LRBA: variants seen among roughly 807,000 people sequenced by gnomAD.
LRBA encodes the protein LPS responsive beige-like anchor protein.
A neutral mutation model predicts 330.0 loss-of-function variants in LRBA; 176 were observed. The ratio of observed to expected loss-of-function variants is 0.53; its 90% CI spans 0.47 to 0.60. LRBA has a LOEUF of 0.60. LRBA is among the 20% of genes least tolerant of loss of function. The pLI is 0.00. For synonymous variants in LRBA, 1,230 were observed against 1,193.0 expected, an observed-to-expected ratio of 1.03 and a Z score of -0.64; for missense variants, 3,259 against 3,444.8, an observed-to-expected ratio of 0.95 and a Z score of 1.35.
At chr4:150,856,320 A>C (rs985340973) in intron 22 of LRBA, among the ~76,000 whole-genome samples, 2 of 152,164 alleles carry the variant, frequency 1.3e-5, no homozygotes, top group Non-Finnish European at 2.9e-5. Flanking sequence ...CATAGCTGCT[A>C]TTGGGATCTC....
intron 41 of LRBA, among the ~76,000 whole-genome samples, chr4:150,489,761 T>C (rs1758669941): frequency 7.3e-6 from 1 of 137,922 alleles, no homozygotes; most frequent in Non-Finnish European, 1.5e-5. Flanking sequence ...ATATTATACA[T>C]ATATATTCTT....
intron 54 of LRBA, among the ~76,000 whole-genome samples, chr4:150,283,640 A>G (rs1747822042): frequency 6.6e-6 from 1 of 152,220 alleles, no homozygotes; most frequent in Non-Finnish European, 1.5e-5. Flanking sequence ...AATTTTTTAA[A>G]TATCCACAGG....
At chr4:150,840,838 A>G (rs1748963511) in intron 28 of LRBA, 1 of 829,268 alleles carries the variant, frequency 1.2e-6, no homozygotes, top group African/African-American at 1.8e-5. Context: ...AAAGCACAGT[A>G]AAATGAGGCA....
At chr4:150,918,306 T>C (rs1732871522) in intron 5 of LRBA, among the ~76,000 whole-genome samples, 1 of 152,118 alleles carries the variant, frequency 6.6e-6, no homozygotes, top group Non-Finnish European at 1.5e-5. Flanking sequence ...GCAAAAGATC[T>C]AAATATACAT....
chr4:150,391,883 T>C (rs989786873), intron 47 of LRBA, among the ~76,000 whole-genome samples: 17 of 151,100 alleles, frequency 1.1e-4, no homozygotes, highest in Non-Finnish European at 2.9e-5. Context: ...TGGTTTCCTT[T>C]CCTTCAGTTT....
chr4:150,826,258 C>A (rs1746258762), intron 30 of LRBA, among the ~76,000 whole-genome samples: 1 of 152,142 alleles, frequency 6.6e-6, no homozygotes, highest in Non-Finnish European at 1.5e-5. Context: ...TCAAGAAAAT[C>A]ATTTAGAAGA....
At chr4:150,810,375 T>C (rs1477301417) in intron 31 of LRBA, among the ~76,000 whole-genome samples, 2 of 152,166 alleles carry the variant, frequency 1.3e-5, no homozygotes, top group Admixed American at 6.6e-5. Context: ...TAGTTAATCT[T>C]TCTTTTCCAC....
intron 40 of LRBA, among the ~76,000 whole-genome samples, chr4:150,562,101 T>G (rs201236978): frequency 2.0e-5 from 3 of 151,578 alleles, no homozygotes; most frequent in South Asian, 2.1e-4. Context: ...CTTCAATTAT[T>G]TTATATTTGC....
intron 44 of LRBA, among the ~76,000 whole-genome samples, chr4:150,461,555 A>G (rs1220864326): frequency 2.0e-5 from 3 of 151,304 alleles, no homozygotes; most frequent in South Asian, 2.1e-4. Context: ...AAAAAACAAT[A>G]ATGTTACCTA....
At chr4:150,459,853 T>C (rs1206032115) in intron 44 of LRBA, among the ~76,000 whole-genome samples, 1 of 151,926 alleles carries the variant, frequency 6.6e-6, no homozygotes, top group Non-Finnish European at 1.5e-5. Flanking sequence ...TAATCAAGTA[T>C]GGGGTAATTT....
intron 55 of LRBA, among the ~76,000 whole-genome samples, chr4:150,280,966 A>C (rs754070265): frequency 6.6e-6 from 1 of 152,238 alleles, no homozygotes; most frequent in Non-Finnish European, 1.5e-5. Flanking sequence ...CCTAAAATCC[A>C]GTGGGAAATA....
intron 37 of LRBA, among the ~76,000 whole-genome samples, chr4:150,664,958 T>A (rs2126840980): frequency 6.6e-6 from 1 of 152,328 alleles, no homozygotes; most frequent in South Asian, 2.1e-4. Context: ...TAAGATACCA[T>A]CAGATTCAAT....
intron 5 of LRBA, among the ~76,000 whole-genome samples, chr4:150,917,025 TG>T (rs2149490245): frequency 6.6e-6 from 1 of 152,004 alleles, no homozygotes; most frequent in African/African-American, 2.4e-5. Flanking sequence ...CGGTGGTGGG[TG>T]CCTGTAGTCC....
chr4:150,738,300 C>T (rs7665652), intron 35 of LRBA, among the ~76,000 whole-genome samples: 24,061 of 151,996 alleles, frequency 0.16, 4,469 homozygotes, highest in African/African-American at 0.46. Context: ...CGAATTCTGA[C>T]AGACTTATGA....
intron 45 of LRBA, 26 bp downstream of exon 45, chr4:150,436,698 T>C (rs1326696508): frequency 6.3e-7 from 1 of 1,593,300 alleles, no homozygotes; most frequent in East Asian, 2.3e-5. Flanking sequence ...TATTTAGCCA[T>C]GGTGTATTAT....
intron 34 of LRBA, among the ~76,000 whole-genome samples, chr4:150,762,629 G>A (rs906306900): frequency 6.6e-6 from 1 of 151,878 alleles, no homozygotes; most frequent in Non-Finnish European, 1.5e-5. Flanking sequence ...TTGTGTGTAT[G>A]TGCGTGTGTG....
intron 9 of LRBA, among the ~76,000 whole-genome samples, chr4:150,912,883 A>T (rs939379140): frequency 6.6e-6 from 1 of 152,038 alleles, no homozygotes; most frequent in African/African-American, 2.4e-5. Context: ...GAATCTCGTA[A>T]GTTTTGGTAG....
chr4:150,847,101 T>C (rs556314639), intron 26 of LRBA, among the ~76,000 whole-genome samples: 32 of 152,118 alleles, frequency 2.1e-4, no homozygotes, highest in African/African-American at 6.7e-4. Context: ...ATAGAAAGAG[T>C]AGGAGCACTA....
chr4:150,448,734 AGAGGTTGCAGT>A (rs1752927673), intron 44 of LRBA, among the ~76,000 whole-genome samples: 1 of 139,492 alleles, frequency 7.2e-6, no homozygotes, highest in Non-Finnish European at 1.5e-5. Context: ...CCCAGAAGGC[AGAGGTTGCAGT>A]GAGCCAAGAT....
Sources: gnomAD v4.1 joint callset for allele counts (sites outside exome capture counted in the v4.1 genomes callset) on GRCh38, gnomAD v4.1.1 for gene constraint, MANE v1.5 for transcripts, NCBI Gene and HGNC (gene_info 2026-07-23, HGNC 2026-07-21) for gene names.